The following RAX2 variants were observed in gnomAD, a reference collection of about 807,000 sequenced individuals.
The protein encoded by RAX2 is retina and anterior neural fold homeobox 2, also known as retina and anterior neural fold homeobox protein 2.
In RAX2, 4 loss-of-function variants were observed where a neutral mutation model predicts 5.8. That is an observed-to-expected ratio of 0.69 (90% confidence interval 0.34 to 1.58). The LOEUF is 1.58. Among genes scored for constraint, RAX2 ranks in the 40% most tolerant of loss-of-function variants. The probability of loss-of-function intolerance (pLI) is 0.05; values close to 1 mark genes in which losing one functional copy is unlikely to be tolerated. For synonymous variants in RAX2, 133 were observed against 128.8 expected (o/e 1.03, Z -0.22); for missense variants, 275 against 271.4 (o/e 1.01, Z -0.09).
In RAX2 at chr19:3,770,429, T is replaced by C; in HGVS notation, c.*192A>G. ...CCGCTGCCAGCAGGACGGGTGGCGA[T>C]GGGGTGGGAGACGGGATGGGGGCAG... On this transcript the variant is annotated 3_prime_UTR_variant, in exon 3 of 3. Coordinates refer to ENST00000555633, the MANE Select transcript of RAX2 (RefSeq NM_001319074.4). 1.8e-6 allele frequency: 1 copy of C among 565,778 alleles called. No homozygotes were observed. The highest frequency in any genetic ancestry group is 2.2e-5 in the South Asian group (1 of 45,368). 35.0% of individuals were successfully genotyped at this position (565,778 alleles called of 1,614,324 possible). A position where few individuals can be genotyped will look rare whatever the true frequency, so the allele number is the denominator to read the frequency against.
Position 3,771,587 on chromosome 19 carries a change from C to G in RAX2, c.156G>C (p.Pro52=). Residue 52 remains proline, a synonymous_variant, in exon 2 of 3, where the codon CCG becomes CCC. Coordinates refer to ENST00000555633, the MANE Select transcript of RAX2 (RefSeq NM_001319074.4). This position sits in a 1 kb window ranked among gnomAD's most constrained non-coding sequence, Gnocchi z 4.2. ...CCAGCTCCTCACGGCTGTACACATC[C>G]GGGTAGTGAGAGGCCTCGAACGCCC... ...LERAFEASHY[P]DVYSREELAA... 1 of 1,610,780 alleles carries G rather than the reference C, an allele frequency of 6.2e-7. No individual in the cohort carries two copies. Among genetic ancestry groups the G allele is most frequent in the Admixed American group, 1.7e-5 (1 of 59,692 alleles).
rs1251233912 is a variant in RAX2 at position 3,770,845 on chromosome 19, G to C, written c.331C>G (p.Pro111Ala). 3 of 1,528,070 alleles carry C rather than the reference G, an allele frequency of 2.0e-6. No homozygotes were observed. The highest frequency in any genetic ancestry group is 4.9e-5 in the East Asian group (2 of 40,426). The allele number at this position is 1,528,070 out of a possible 1,614,324, so 94.7% of individuals were successfully genotyped here. Residue 111 changes from proline (P) to alanine (A), a missense_variant, in exon 3 of 3, where the codon CCC becomes GCC. Physicochemically the swap from Pro to Ala is conservative, Grantham distance 27. Coordinates refer to ENST00000555633, the MANE Select transcript of RAX2 (RefSeq NM_001319074.4). Reference sequence around the variant, plus strand: ...TCCAGGGGCAGCGACATGGCCGGGGGGCGGGCGAACGGCAGCGCTGGGGCC... The same window carrying C: ...TCCAGGGGCAGCGACATGGCCGGGGCGCGGGCGAACGGCAGCGCTGGGGCC... ...PEAPALPFAR[P>A]PAMSLPLEPW...
Position 3,771,177 on chromosome 19 carries a change from C to T in RAX2, c.217-218G>A, listed in dbSNP as rs994468603. ...ACTCCTCACTCCCCTCCTTGGCCTC[C>T]CTTGGCCCTTAGCAAGTAACCTGAG... On this transcript the variant is annotated intron_variant, in intron 2 of 2. Coordinates refer to ENST00000555633, the MANE Select transcript of RAX2 (RefSeq NM_001319074.4). This position sits in a 1 kb window ranked among gnomAD's most constrained non-coding sequence, Gnocchi z 4.2. Among the ~76,000 whole-genome samples the T allele has an allele frequency of 1.6e-4, 5 of 30,664 alleles. No homozygotes were observed. The highest frequency in any genetic ancestry group is 4.2e-4 in the African/African-American group (5 of 11,800). 20.1% of individuals were successfully genotyped at this position (30,664 alleles called of 152,430 possible).
Position 3,770,966 on chromosome 19 carries a change from G to A in RAX2, c.217-7C>T, listed in dbSNP as rs1030845403. The A allele has an allele frequency of 6.4e-7, 1 of 1,552,380 alleles. No individual in the cohort carries two copies. Among genetic ancestry groups the A allele is most frequent in the East Asian group, 2.3e-5 (1 of 42,878 alleles). ...GGCGGTTCTGGAACCACACCTGGAG[G>A]GTGCGAGAGGGAAGGGGGGTTGCTG... On this transcript the variant is annotated splice_polypyrimidine_tract_variant and splice_region_variant and intron_variant, in intron 2 of 2. Transcript: ENST00000555633.
In RAX2 at chr19:3,770,270, C is replaced by T; in HGVS notation, c.*351G>A. ...AGTCAGCGGTCCCGCCACCCACAGC[C>T]TCGCAGCCCTCGAACCTCGGAGGCC... On this transcript the variant is annotated 3_prime_UTR_variant, in exon 3 of 3. Transcript: ENST00000555633. 2.9e-6 allele frequency: 1 copy of T among 345,290 alleles called. No individual in the cohort carries two copies. The highest frequency in any genetic ancestry group is 5.1e-5 in the South Asian group (1 of 19,666). The allele number at this position is 345,290 out of a possible 1,614,324, so 21.4% of individuals were successfully genotyped here.
Position 3,770,637 on chromosome 19 carries a change from G to A in RAX2, c.539C>T (p.Ala180Val). ...GCGGCAGGCTCAGGCTGGCGGCCAG[G>A]CCCTGTCCAGAGCCTGTGCATGTTC... ...AKEHAQALDR[A>V]WPPA The change falls in exon 3 of 3, where the codon GCC (alanine) becomes GTC (valine). Residue 180 changes from alanine to valine, a missense_variant. Coordinates refer to ENST00000555633, the MANE Select transcript of RAX2 (RefSeq NM_001319074.4). 1 of 1,533,948 alleles carries A rather than the reference G, an allele frequency of 6.5e-7. No individual in the cohort carries two copies. Among genetic ancestry groups the A allele is most frequent in the Middle Eastern group, 2.1e-4 (1 of 4,836 alleles).
rs1158688451 is a variant in RAX2, at chr19:3,770,968, T to G, written c.217-9A>C. 6.5e-7 allele frequency: 1 copy of G among 1,549,332 alleles called. No individual in the cohort carries two copies. The highest frequency in any genetic ancestry group is 1.2e-5 in the South Asian group (1 of 85,916). On this transcript the variant is annotated splice_polypyrimidine_tract_variant and intron_variant, in intron 2 of 2. Transcript: ENST00000555633. ...CGGTTCTGGAACCACACCTGGAGGG[T>G]GCGAGAGGGAAGGGGGGTTGCTGTG...
chr19:3,770,446 T>C lies in RAX2; in HGVS notation c.*175A>G. 1.7e-6 allele frequency: 1 copy of C among 589,838 alleles called. No homozygotes were observed. The highest frequency in any genetic ancestry group is 2.9e-6 in the Non-Finnish European group (1 of 343,812). The allele number at this position is 589,838 out of a possible 1,614,324, so 36.5% of individuals were successfully genotyped here. A position where few individuals can be genotyped will look rare whatever the true frequency, so the allele number is the denominator to read the frequency against. The stretch of plus-strand genomic sequence containing the variant: ...GGTGGCGATGGGGTGGGAGACGGGA[T>C]GGGGGCAGGGAACCCAGCAGCCTGT... On this transcript the variant is annotated 3_prime_UTR_variant, in exon 3 of 3. Transcript: ENST00000555633.
rs947549671 is a variant in RAX2 at position 3,770,756 on chromosome 19, C to T, written c.420G>A (p.Pro140=). The T allele has an allele frequency of 1.4e-5, 21 of 1,529,818 alleles. No individual in the cohort carries two copies. The highest frequency in any genetic ancestry group is 3.6e-5 in the South Asian group (3 of 83,800). The allele number at this position is 1,529,818 out of a possible 1,614,324, so 94.8% of individuals were successfully genotyped here. A position where few individuals can be genotyped will look rare whatever the true frequency, so the allele number is the denominator to read the frequency against. The change falls in exon 3 of 3, where the codon CCG becomes CCA. Residue 140 remains proline, a synonymous_variant. Transcript: ENST00000555633. ...GAGGCCCGAAGGACGCTTGCAGCCC[C>T]GGGCCCGGGCCCAGGAGGCGGGGGA... ...PGLPRLLGPG[P]GLQASFGPHA...
Position 3,770,658 on chromosome 19 carries a change from T to C in RAX2, c.518A>G (p.His173Arg). ...CCAGGCCCTGTCCAGAGCCTGTGCA[T>C]GTTCCTTGGCCAGCAGCCGCAGGGA... ...EASLRLLAKE[H>R]AQALDRAWPP... is the part of the protein sequence containing the mutation. The change falls in exon 3 of 3, where the codon CAT becomes CGT. Residue 173 changes from histidine (H) to arginine (R), a missense_variant. Transcript: ENST00000555633. The C allele has an allele frequency of 2.0e-6, 3 of 1,535,258 alleles. No homozygotes were observed. Among genetic ancestry groups the C allele is most frequent in the Admixed American group, 2.0e-5 (1 of 50,970 alleles).
Position 3,771,963 on chromosome 19 carries a change from T to C in RAX2, c.-221A>G, listed in dbSNP as rs2037269577. On this transcript the variant is annotated 5_prime_UTR_variant, in exon 2 of 3. Transcript: ENST00000555633. The surrounding 1 kb of genome is among the most constrained non-coding windows in gnomAD (Gnocchi z 4.2). ...CTGTCTGCTCTTCCTTCTCTCTGTG[T>C]GTGTCACCGTCCCTGTTTTCTCTTC... The C allele has an allele frequency of 1.3e-6, 1 of 771,926 alleles. No individual in the cohort carries two copies. The highest frequency in any genetic ancestry group is 1.8e-5 in the South Asian group (1 of 54,214). The allele number at this position is 771,926 out of a possible 1,614,324, so 47.8% of individuals were successfully genotyped here. A position where few individuals can be genotyped will look rare whatever the true frequency, so the allele number is the denominator to read the frequency against.
At position 3,771,830 on chromosome 19, in the gene RAX2, G is replaced by A; in HGVS notation, c.-88C>T. Reference sequence around the variant, plus strand: ...GCAGGGACAGGGCAGGGGAGCCCCAGGCTTGCCTCCCGGCTCCGGGGAAAT... The same window carrying A: ...GCAGGGACAGGGCAGGGGAGCCCCAAGCTTGCCTCCCGGCTCCGGGGAAAT... On this transcript the variant is annotated 5_prime_UTR_variant, in exon 2 of 3. Transcript: ENST00000555633. The surrounding 1 kb of genome is among the most constrained non-coding windows in gnomAD (Gnocchi z 4.2). 1 of 1,476,796 alleles carries A rather than the reference G, an allele frequency of 6.8e-7. No homozygotes were observed. The highest frequency in any genetic ancestry group is 9.0e-7 in the Non-Finnish European group (1 of 1,114,826). The allele number at this position is 1,476,796 out of a possible 1,614,324, so 91.5% of individuals were successfully genotyped here. A position where few individuals can be genotyped will look rare whatever the true frequency, so the allele number is the denominator to read the frequency against.
In RAX2 at chr19:3,770,607, G is replaced by A. The variant is rs1325548103; in HGVS notation, c.*14C>T. The A allele has an allele frequency of 1.1e-5, 17 of 1,530,640 alleles. No homozygotes were observed. The highest frequency in any genetic ancestry group is 8.7e-7 in the Non-Finnish European group (1 of 1,144,600). The allele number at this position is 1,530,640 out of a possible 1,614,324, so 94.8% of individuals were successfully genotyped here. ...CGGGTTGGGCCGAGGAGGGGGCCCG[G>A]GAGGGCGGCAGGCTCAGGCTGGCGG... On this transcript the variant is annotated 3_prime_UTR_variant, in exon 3 of 3. Transcript: ENST00000555633.
At position 3,771,060 on chromosome 19, in the gene RAX2, C is replaced by G. The variant is rs982409085; in HGVS notation, c.217-101G>C. 7 of 867,496 alleles carry G rather than the reference C, an allele frequency of 8.1e-6. No homozygotes were observed. In the African/African-American group the frequency reaches 1.2e-4, roughly 15 times the overall value. The allele number at this position is 867,496 out of a possible 1,614,324, so 53.7% of individuals were successfully genotyped here. On this transcript the variant is annotated intron_variant, in intron 2 of 2. Coordinates refer to ENST00000555633, the MANE Select transcript of RAX2 (RefSeq NM_001319074.4). The surrounding 1 kb of genome is among the most constrained non-coding windows in gnomAD (Gnocchi z 4.2). ...ACCCCAGCCCTGGGGGTTCTGACTCCCGTCTGACCCGACTCCTACCTGCTG... is the reference window on the plus strand; with the variant it reads ...ACCCCAGCCCTGGGGGTTCTGACTCGCGTCTGACCCGACTCCTACCTGCTG...
rs980576702 is a variant in RAX2, at chr19:3,770,527, G to A, written c.*94C>T. 3.1e-5 allele frequency: 37 copies of A among 1,184,616 alleles called. No homozygotes were observed. The highest frequency in any genetic ancestry group is 7.1e-5 in the South Asian group (5 of 70,136). 73.4% of individuals were successfully genotyped at this position (1,184,616 alleles called of 1,614,324 possible). A position where few individuals can be genotyped will look rare whatever the true frequency, so the allele number is the denominator to read the frequency against. ...CCTGGCCTGACCACGGTTGCTCCAT[G>A]ACCTCGGCCTAGGCCAAGGCGTGGT... is the stretch of plus-strand genomic sequence containing the variant. On this transcript the variant is annotated 3_prime_UTR_variant, in exon 3 of 3. Coordinates refer to ENST00000555633, the MANE Select transcript of RAX2 (RefSeq NM_001319074.4).
In RAX2 at chr19:3,770,771, G is replaced by A; in HGVS notation, c.405C>T (p.Leu135=). 3 of 1,527,084 alleles carry A rather than the reference G, an allele frequency of 2.0e-6. No individual in the cohort carries two copies. The South Asian group carries it at 3.6e-5, about 18-fold the overall frequency. 94.6% of individuals were successfully genotyped at this position (1,527,084 alleles called of 1,614,324 possible). A position where few individuals can be genotyped will look rare whatever the true frequency, so the allele number is the denominator to read the frequency against. ...CTTGCAGCCCCGGGCCCGGGCCCAGGAGGCGGGGGAGGCCTGGCACGGCCG... is the reference window on the plus strand; with the variant it reads ...CTTGCAGCCCCGGGCCCGGGCCCAGAAGGCGGGGGAGGCCTGGCACGGCCG... ...GPPAVPGLPR[L]LGPGPGLQAS... Residue 135 remains leucine, a synonymous_variant, in exon 3 of 3, where the codon CTC becomes CTT. Transcript: ENST00000555633.
rs908101133 is a variant in RAX2 at position 3,769,101 on chromosome 19, T to G, written c.*1520A>C. The G allele has an allele frequency of 6.6e-6, 1 of 152,280 alleles. No homozygotes were observed. The highest frequency in any genetic ancestry group is 1.5e-5 in the Non-Finnish European group (1 of 68,076). The allele number at this position is 152,280 out of a possible 1,614,324, so 9.4% of individuals were successfully genotyped here. Reference sequence around the variant, plus strand: ...ACTGTCTGAAGTCTTTTGTTTTAGATTTGTTTTTTATTTGTATTGAGTCAG... The same window carrying G: ...ACTGTCTGAAGTCTTTTGTTTTAGAGTTGTTTTTTATTTGTATTGAGTCAG... On this transcript the variant is annotated 3_prime_UTR_variant, in exon 3 of 3. Coordinates refer to ENST00000555633, the MANE Select transcript of RAX2 (RefSeq NM_001319074.4).
rs1328638728 is a variant in RAX2 at position 3,771,249 on chromosome 19, C to G, written c.216+278G>C. On this transcript the variant is annotated intron_variant, in intron 2 of 2. Transcript: ENST00000555633. This position sits in a 1 kb window ranked among gnomAD's most constrained non-coding sequence, Gnocchi z 4.2. ...GCCTTCAAAAGCGTTGTTACCCACA[C>G]CATTCTCTGCCTCCTCCTTCACCCC... 7.2e-5 allele frequency among the ~76,000 whole-genome samples: 11 copies of G among 152,180 alleles called. No individual in the cohort carries two copies. Among genetic ancestry groups the G allele is most frequent in the Non-Finnish European group, 1.6e-4 (11 of 68,034 alleles).
At position 3,770,373 on chromosome 19, in the gene RAX2, G is replaced by A. The variant is rs1418917467; in HGVS notation, c.*248C>T. On this transcript the variant is annotated 3_prime_UTR_variant, in exon 3 of 3. Transcript: ENST00000555633. The stretch of plus-strand genomic sequence containing the variant: ...CCCGCACCTGGCCTGAGAATACTTG[G>A]GTCACCTCCTGCCTGACACTGGGGG... 4.9e-5 allele frequency: 26 copies of A among 529,580 alleles called. No homozygotes were observed. Among genetic ancestry groups the A allele is most frequent in the Non-Finnish European group, 6.6e-5 (20 of 302,072 alleles). The allele number at this position is 529,580 out of a possible 1,614,324, so 32.8% of individuals were successfully genotyped here. A position where few individuals can be genotyped will look rare whatever the true frequency, so the allele number is the denominator to read the frequency against.
Sources: gnomAD v4.1 joint callset for allele counts (sites outside exome capture counted in the v4.1 genomes callset) on GRCh38, gnomAD v4.1.1 for gene constraint, Gnocchi (gnomAD v3.1) non-coding constraint, MANE v1.5 for transcripts, NCBI Gene and HGNC (gene_info 2026-07-23, HGNC 2026-07-21) for gene names.